ZZEF1: variants seen among roughly 807,000 people sequenced by gnomAD.
ZZEF1 encodes zinc finger ZZ-type and EF-hand domain containing 1, also known as zinc finger ZZ-type and EF-hand domain-containing protein 1.
In ZZEF1, 157 loss-of-function variants were observed where a neutral mutation model predicts 342.8. That is an observed-to-expected ratio of 0.46 (90% CI 0.40 to 0.52). The LOEUF (loss-of-function observed/expected upper bound fraction) is 0.52, where lower values mean the gene tolerates loss of function less well. ZZEF1 is among the 20% of genes least tolerant of loss of function. ZZEF1 has a pLI of 0.00. For missense variants in ZZEF1, 3,480 were observed against 3,725.6 expected (o/e 0.93, Z 1.72); for synonymous variants, 1,505 against 1,429.1 (o/e 1.05, Z -1.20).
chr17:4,099,210 G>A (rs181455896), intron 9 of ZZEF1, among the ~76,000 whole-genome samples: 11 of 151,952 alleles, frequency 7.2e-5, no homozygotes, highest in South Asian at 2.1e-4. Context: ...ATCAGCTCAC[G>A]TGGTTTTTTT....
At chr17:4,029,025 T>C (rs957138688) in intron 42 of ZZEF1, among the ~76,000 whole-genome samples, 1 of 152,260 alleles carries the variant, frequency 6.6e-6, no homozygotes, top group Non-Finnish European at 1.5e-5. Flanking sequence ...TAGAAACTTC[T>C]ATAGTCCTCT....
rs564771857 is a variant in ZZEF1 at position 4,014,689 on chromosome 17, A to C, written c.8146-174T>G. Among the ~76,000 whole-genome samples the C allele has an allele frequency of 6.6e-6, 1 of 152,348 alleles. No homozygotes were observed. The highest frequency in any genetic ancestry group is 2.4e-5 in the African/African-American group (1 of 41,578). On this transcript the variant is annotated intron_variant, in intron 49 of 54. Transcript: ENST00000381638. The surrounding 1 kb of genome is among the most constrained non-coding windows in gnomAD (Gnocchi z 4.4). ...GGGCGAGGAGCATGCACAGACTGCA[A>C]ATATGGTGCGAGGGAGGCACAGCGG...
At chr17:4,081,796 A>G (rs1486315958) in intron 17 of ZZEF1, among the ~76,000 whole-genome samples, 2 of 151,842 alleles carry the variant, frequency 1.3e-5, no homozygotes, top group Non-Finnish European at 2.9e-5. Flanking sequence ...TGCTAGCTTC[A>G]AAGTCCTGGC....
chr17:4,032,029 C>T lies in ZZEF1; in HGVS notation c.6892+97G>A, dbSNP rs563139818. The T allele has an allele frequency of 4.5e-5, 61 of 1,342,316 alleles. 1 individual carries two copies. The South Asian group carries it at 5.3e-4, about 12-fold the overall frequency. 83.2% of individuals were successfully genotyped at this position (1,342,316 alleles called of 1,614,324 possible). On this transcript the variant is annotated intron_variant, in intron 42 of 54. Coordinates refer to ENST00000381638, the MANE Select transcript of ZZEF1 (RefSeq NM_015113.4). Reference sequence around the variant, plus strand: ...TAACTTGTTCTTTAAAAAAATCACACGCAGGCCAAGAGCCAAGGTAATTTC... The same window carrying T: ...TAACTTGTTCTTTAAAAAAATCACATGCAGGCCAAGAGCCAAGGTAATTTC...
intron 9 of ZZEF1, among the ~76,000 whole-genome samples, chr17:4,100,151 T>C (rs1244998631): frequency 2.0e-5 from 3 of 152,188 alleles, no homozygotes; most frequent in Non-Finnish European, 2.9e-5. Flanking sequence ...ATCAGACGTG[T>C]ACCCATGAGA....
chr17:4,032,917 T>C lies in ZZEF1; in HGVS notation c.6670A>G (p.Thr2224Ala). 3 of 1,613,834 alleles carry C rather than the reference T, an allele frequency of 1.9e-6. No homozygotes were observed. The highest frequency in any genetic ancestry group is 1.1e-5 in the South Asian group (1 of 90,978). ...TGCTTGATGCAGTGGTCTGTGAAGG[T>C]GGCAATGACATCACGCCACAGTGGG... ...SAPLWRDVIA[T>A]FTDHCIKQLP... Residue 2224 changes from threonine (T) to alanine (A), a missense_variant, in exon 41 of 55, where the codon ACC becomes GCC. Transcript: ENST00000381638.
At position 4,081,477 on chromosome 17, in the gene ZZEF1, C is replaced by T. The variant is rs766861059; in HGVS notation, c.2728G>A (p.Gly910Ser). 4 of 1,614,028 alleles carry T rather than the reference C, an allele frequency of 2.5e-6. No individual in the cohort carries two copies. The highest frequency in any genetic ancestry group is 2.5e-6 in the Non-Finnish European group (3 of 1,179,930). ...LCTYFSDKDP[G>S]GLLLLPEKND... ...TTCTCAGGTAAAAGAAGAAGGCCGCCTGGATCCTTGTCACTGAAAGGATAC... is the reference window on the plus strand; with the variant it reads ...TTCTCAGGTAAAAGAAGAAGGCCGCTTGGATCCTTGTCACTGAAAGGATAC... Residue 910 changes from glycine (G) to serine (S), a missense_variant, in exon 18 of 55, where the codon GGC (glycine) becomes AGC (serine). This residue lies in a region of ZZEF1 where 1,528 missense variants were observed against 1,624.1 expected (regional missense o/e 0.94). Coordinates refer to ENST00000381638, the MANE Select transcript of ZZEF1 (RefSeq NM_015113.4).
In ZZEF1 at chr17:4,121,648, T is replaced by C. The variant is rs114980347; in HGVS notation, c.499+2259A>G. 7.7e-4 allele frequency among the ~76,000 whole-genome samples: 117 copies of C among 152,008 alleles called. 2 individuals carry two copies. The highest frequency in any genetic ancestry group is 2.7e-3 in the African/African-American group (111 of 41,456). On this transcript the variant is annotated intron_variant, in intron 2 of 54. Coordinates refer to ENST00000381638, the MANE Select transcript of ZZEF1 (RefSeq NM_015113.4). ...AAAAGAAAAATAATAATAATTTTAA[T>C]TGCCATGAGACTAGGGAAAAAGTTA...
chr17:4,102,619 T>C (rs2145438999), intron 8 of ZZEF1, among the ~76,000 whole-genome samples: 1 of 152,332 alleles, frequency 6.6e-6, no homozygotes, highest in African/African-American at 2.4e-5. Flanking sequence ...AAAGTACAGC[T>C]ATGGCCCTGA....
intron 37 of ZZEF1, among the ~76,000 whole-genome samples, chr17:4,048,615 G>A (rs185693024): frequency 8.9e-4 from 135 of 152,288 alleles, no homozygotes; most frequent in African/African-American, 3.1e-3. Flanking sequence ...AAATTACTGC[G>A]TCTACCCGGT....
intron 13 of ZZEF1, 24 bp from the exon 14 acceptor site, chr17:4,087,558 TAAATA>T: frequency 6.4e-7 from 1 of 1,571,730 alleles, no homozygotes; most frequent in Non-Finnish European, 8.6e-7. Flanking sequence ...AAGATCAGAA[TAAATA>T]AAACTGAAAA....
intron 38 of ZZEF1, among the ~76,000 whole-genome samples, chr17:4,043,232 T>C (rs1256176411): frequency 6.6e-6 from 1 of 152,220 alleles, no homozygotes; most frequent in Non-Finnish European, 1.5e-5. Context: ...TTCAGTGATG[T>C]ATCTCAAGCA....
chr17:4,021,280 T>C lies in ZZEF1; in HGVS notation c.7253A>G (p.Asn2418Ser), dbSNP rs373123476. ...IMLYSSKKEI[N>S]ALAEHGDLEL... ...TAGGTCTCCGTGCTCAGCCAAAGCG[T>C]TGATCTCCTTTTTTGAGGAGTACAG... Residue 2418 changes from asparagine to serine, a missense_variant, in exon 45 of 55, where the codon AAC becomes AGC. Asn to Ser is a conservative substitution (Grantham distance 46). Transcript: ENST00000381638. The C allele has an allele frequency of 1.1e-5, 18 of 1,613,928 alleles. No individual in the cohort carries two copies. In the Admixed American group the frequency reaches 1.3e-4, roughly 12 times the overall value.
chr17:4,060,336 G>A (rs1268610686), intron 30 of ZZEF1, among the ~76,000 whole-genome samples: 4 of 152,154 alleles, frequency 2.6e-5, no homozygotes, highest in African/African-American at 4.8e-5. Flanking sequence ...AGGCTGAGCC[G>A]GGCGGATCAA....
chr17:4,109,036 T>C (rs2058254461), intron 6 of ZZEF1, among the ~76,000 whole-genome samples: 1 of 152,252 alleles, frequency 6.6e-6, no homozygotes. Flanking sequence ...TTGTCTTATA[T>C]GTTACTATTT....
chr17:4,050,676 T>G, intron 36 of ZZEF1, 105 bp downstream of exon 36: 1 of 1,526,772 alleles, frequency 6.5e-7, no homozygotes, highest in Non-Finnish European at 8.8e-7. Flanking sequence ...TGTGGAAAAG[T>G]GGATGTTGCC....
chr17:4,068,151 C>G (rs2057438799), intron 26 of ZZEF1, among the ~76,000 whole-genome samples: 1 of 152,066 alleles, frequency 6.6e-6, no homozygotes, highest in African/African-American at 2.4e-5. Flanking sequence ...TATGAATATA[C>G]CTACATAAAG....
intron 11 of ZZEF1, 141 bp from the exon 12 acceptor site, chr17:4,090,971 ACCCT>A: frequency 1.5e-6 from 1 of 656,314 alleles, no homozygotes; most frequent in East Asian, 2.8e-5. Context: ...GGTACATGGT[ACCCT>A]GTGAGCACAT....
intron 39 of ZZEF1, among the ~76,000 whole-genome samples, chr17:4,037,820 C>T (rs1258014490): frequency 6.6e-6 from 1 of 152,164 alleles, no homozygotes; most frequent in Non-Finnish European, 1.5e-5. Flanking sequence ...TGGGTTCAAG[C>T]AACCCTCCTA....
Sources: allele counts gnomAD v4.1 joint callset (sites outside exome capture counted in the v4.1 genomes callset), GRCh38; gene constraint gnomAD v4.1.1; regional missense constraint gnomAD v4.1.1; non-coding constraint Gnocchi (gnomAD v3.1); transcripts MANE v1.5; gene names NCBI Gene and HGNC (gene_info 2026-07-23, HGNC 2026-07-21).